The following CTNNA3 variants were observed in gnomAD, a reference collection of about 807,000 sequenced individuals.
CTNNA3 encodes catenin alpha-3.
Under a neutral mutation model 95.7 loss-of-function variants are expected in CTNNA3, and 76 were observed. The ratio of observed to expected loss-of-function variants is 0.79; its 90% CI spans 0.66 to 0.96. The LOEUF (loss-of-function observed/expected upper bound fraction) is 0.96. CTNNA3 is among the 40% of genes least tolerant of loss of function. The pLI is 0.00. For synonymous variants in CTNNA3, 431 were observed against 374.4 expected, an observed-to-expected ratio of 1.15 and a Z score of -1.74; for missense variants, 1,191 against 1,089.8, an observed-to-expected ratio of 1.09 and a Z score of -1.31.
chr10:67,222,004 A>C (rs1864683784), intron 5 of CTNNA3, among the ~76,000 whole-genome samples: 1 of 152,190 alleles, frequency 6.6e-6, no homozygotes, highest in South Asian at 2.1e-4. Flanking sequence ...GTTTGGTGCA[A>C]GGAGATAGAA....
chr10:67,732,913 TTCTC>T (rs1006406238), intron 1 of CTNNA3, among the ~76,000 whole-genome samples: 1 of 97,548 alleles, frequency 1.0e-5, no homozygotes, highest in Non-Finnish European at 1.9e-5. Flanking sequence ...CACACACACA[TTCTC>T]TCTCTCAAGA....
chr10:67,535,481 A>G (rs1343504957), intron 4 of CTNNA3, among the ~76,000 whole-genome samples: 1 of 152,112 alleles, frequency 6.6e-6, no homozygotes, highest in African/African-American at 2.4e-5. Context: ...AAAGACTAGT[A>G]TCAGAGGAGG....
chr10:66,785,774 C>T (rs1459809647), intron 7 of CTNNA3, among the ~76,000 whole-genome samples: 1 of 152,072 alleles, frequency 6.6e-6, no homozygotes, highest in Non-Finnish European at 1.5e-5. Flanking sequence ...ATATATGTAT[C>T]CTATTCGTTC....
chr10:67,494,745 A>C (rs1838972716), intron 5 of CTNNA3, among the ~76,000 whole-genome samples: 1 of 152,246 alleles, frequency 6.6e-6, no homozygotes, highest in African/African-American at 2.4e-5. Context: ...ACCCATCAAG[A>C]ATTAAGAATT....
chr10:66,259,311 A>T (rs1280799803), intron 13 of CTNNA3, among the ~76,000 whole-genome samples: 1 of 152,176 alleles, frequency 6.6e-6, no homozygotes, highest in East Asian at 1.9e-4. Context: ...CCCTTTCAGC[A>T]GGAAGTAACC....
intron 8 of CTNNA3, among the ~76,000 whole-genome samples, chr10:66,772,852 G>C (rs1840149876): frequency 6.6e-6 from 1 of 152,180 alleles, no homozygotes; most frequent in African/African-American, 2.4e-5. Flanking sequence ...GAATGGGCAG[G>C]AAGATGGGCT....
At chr10:66,943,511 C>T (rs1225646212) in intron 7 of CTNNA3, among the ~76,000 whole-genome samples, 2 of 69,666 alleles carry the variant, frequency 2.9e-5, no homozygotes, top group Non-Finnish European at 7.5e-5. Context: ...AAATCCAATT[C>T]CCCCACCCTT....
intron 15 of CTNNA3, among the ~76,000 whole-genome samples, chr10:65,991,727 G>C (rs1321503817): frequency 6.6e-6 from 1 of 151,910 alleles, no homozygotes; most frequent in Non-Finnish European, 1.5e-5. Context: ...TTTCCAATTT[G>C]GATGACTTTT....
At chr10:67,499,584 C>T in intron 5 of CTNNA3, among the ~76,000 whole-genome samples, 1 of 152,048 alleles carries the variant, frequency 6.6e-6, no homozygotes, top group East Asian at 1.9e-4. Flanking sequence ...GGTTGGTAGG[C>T]TATTAATTAC....
chr10:65,988,945 GTGAT>G, intron 15 of CTNNA3, 148 bp from the exon 16 acceptor site: 2 of 590,622 alleles, frequency 3.4e-6, no homozygotes, highest in Admixed American at 2.9e-5. Flanking sequence ...TATTGTTTTT[GTGAT>G]TGTTTGTTTT....
At position 67,538,157 on chromosome 10, in the gene CTNNA3, T is replaced by TAAAAAAAAAAAAAA. The variant is rs1176919938; in HGVS notation, c.459+1332_459+1345dup. ...CCCTTTCCTAAAAAGCTACTTAAAC[T>TAAAAAAAAAAAAAA]AAAAAAAAAAAAAAAAAAAAAAAGG... On this transcript the variant is annotated intron_variant, in intron 4 of 17. Coordinates refer to ENST00000433211, the MANE Select transcript of CTNNA3 (RefSeq NM_013266.4). Among the ~76,000 whole-genome samples the TAAAAAAAAAAAAAA allele has an allele frequency of 3.2e-4, 19 of 59,176 alleles. 1 individual carries two copies. Among genetic ancestry groups the TAAAAAAAAAAAAAA allele is most frequent in the African/African-American group, 1.1e-3 (15 of 13,806 alleles). 38.8% of individuals were successfully genotyped at this position (59,176 alleles called of 152,430 possible). A position where few individuals can be genotyped will look rare whatever the true frequency, so the allele number is the denominator to read the frequency against.
At chr10:66,268,119 A>T (rs1589897138) in intron 13 of CTNNA3, among the ~76,000 whole-genome samples, 1 of 152,272 alleles carries the variant, frequency 6.6e-6, no homozygotes, top group Admixed American at 6.5e-5. Context: ...GATGATGATG[A>T]CTATGATAAT....
chr10:66,115,567 T>C (rs76525313), intron 13 of CTNNA3, among the ~76,000 whole-genome samples: 113 of 129,594 alleles, frequency 8.7e-4, no homozygotes, highest in Middle Eastern at 7.8e-3. Flanking sequence ...GATAGATAGA[T>C]AGACAGATAG....
At chr10:67,178,693 C>A (rs1862360666) in intron 7 of CTNNA3, among the ~76,000 whole-genome samples, 1 of 151,388 alleles carries the variant, frequency 6.6e-6, no homozygotes, top group South Asian at 2.1e-4. Flanking sequence ...TTTATAATTT[C>A]TAGGAAAAAT....
At chr10:65,951,188 C>G (rs2077605048) in intron 17 of CTNNA3, among the ~76,000 whole-genome samples, 1 of 152,144 alleles carries the variant, frequency 6.6e-6, no homozygotes, top group African/African-American at 2.4e-5. Context: ...CAAAATGAAA[C>G]AAAACTGCCT....
rs528932864 is a variant in CTNNA3 at position 65,915,715 on chromosome 10, T to C, written c.*4615A>G. The C allele has an allele frequency of 6.6e-6, 1 of 152,274 alleles. No homozygotes were observed. Among genetic ancestry groups the C allele is most frequent in the Admixed American group, 6.5e-5 (1 of 15,282 alleles). 9.4% of individuals were successfully genotyped at this position (152,274 alleles called of 1,614,324 possible). ...TTCCATTTGGAGACAGCTCTCTCAA[T>C]TAACATTACTTTCTTTTAGAGTGTC... On this transcript the variant is annotated 3_prime_UTR_variant, in exon 18 of 18. Transcript: ENST00000433211.
chr10:65,950,859 C>G lies in CTNNA3; in HGVS notation c.2400+15753G>C, dbSNP rs942764128. The stretch of plus-strand genomic sequence containing the variant: ...CATCTATACTTTTTTTTATCTCCCC[C>G]CTTCATTTCTTTCCTTCCCATATCC... On this transcript the variant is annotated intron_variant, in intron 17 of 17. Coordinates refer to ENST00000433211, the MANE Select transcript of CTNNA3 (RefSeq NM_013266.4). Among the ~76,000 whole-genome samples the G allele has an allele frequency of 8.2e-4, 125 of 152,144 alleles. 1 individual carries two copies. The highest frequency in any genetic ancestry group is 2.9e-3 in the African/African-American group (120 of 41,520).
At position 67,198,258 on chromosome 10, in the gene CTNNA3, T is replaced by C. The variant is rs553781025; in HGVS notation, c.844-17738A>G. On this transcript the variant is annotated intron_variant, in intron 6 of 17. Coordinates refer to ENST00000433211, the MANE Select transcript of CTNNA3 (RefSeq NM_013266.4). ...AGGTATCTAGGTGGTTGATGGTTGATTGATTGTGATTAAAAGCACTATTTC... is the reference window on the plus strand; with the variant it reads ...AGGTATCTAGGTGGTTGATGGTTGACTGATTGTGATTAAAAGCACTATTTC... Among the ~76,000 whole-genome samples, 35 of 152,256 alleles carry C rather than the reference T, an allele frequency of 2.3e-4. No homozygotes were observed. The South Asian group carries it at 6.8e-3, about 30-fold the overall frequency.
At chr10:66,444,172 T>C (rs2093399016) in intron 11 of CTNNA3, among the ~76,000 whole-genome samples, 1 of 152,144 alleles carries the variant, frequency 6.6e-6, no homozygotes, top group Non-Finnish European at 1.5e-5. Context: ...TATGGGACTA[T>C]GTGAAAAGAC....
Sources: gnomAD v4.1 joint callset for allele counts (sites outside exome capture counted in the v4.1 genomes callset) on GRCh38, gnomAD v4.1.1 for gene constraint, MANE v1.5 for transcripts, NCBI Gene and HGNC (gene_info 2026-07-23, HGNC 2026-07-21) for gene names.